The following B4GALT4 variants were observed in gnomAD, a reference collection of about 807,000 sequenced individuals.
The protein encoded by B4GALT4 is N-acetyllactosamine synthase.
In B4GALT4, 27 loss-of-function variants were observed where a neutral mutation model predicts 37.3. The ratio of observed to expected loss-of-function variants is 0.72; its 90% CI spans 0.53 to 1.00. B4GALT4 has a LOEUF of 1.00. Among genes scored for constraint, B4GALT4 ranks in the 50% least tolerant of loss-of-function variants. The pLI is 0.00. For synonymous variants in B4GALT4, 148 were observed against 154.1 expected, an observed-to-expected ratio of 0.96 and a Z score of 0.29; for missense variants, 372 against 413.1, an observed-to-expected ratio of 0.90 and a Z score of 0.86.
intron 5 of B4GALT4, among the ~76,000 whole-genome samples, chr3:119,219,358 T>A (rs1324362297): frequency 6.6e-6 from 1 of 152,252 alleles, no homozygotes; most frequent in Non-Finnish European, 1.5e-5. Flanking sequence ...GTTTCTGGCC[T>A]GCCAACCAGA....
Position 119,223,974 on chromosome 3 carries a change from A to G in B4GALT4, c.674+84T>C, listed in dbSNP as rs550138736. On this transcript the variant is annotated intron_variant, in intron 5 of 7. Coordinates refer to ENST00000393765, the MANE Select transcript of B4GALT4 (RefSeq NM_003778.4). Reference sequence around the variant, plus strand: ...TTTTTCTATTTCTCATTTTCTTATGACACTCTGGATGCTTGTTCCACCCAG... The same window carrying G: ...TTTTTCTATTTCTCATTTTCTTATGGCACTCTGGATGCTTGTTCCACCCAG... 24 of 1,360,078 alleles carry G rather than the reference A, an allele frequency of 1.8e-5. No individual in the cohort carries two copies. The South Asian group carries it at 3.6e-4, about 21-fold the overall frequency. The allele number at this position is 1,360,078 out of a possible 1,614,324, so 84.3% of individuals were successfully genotyped here.
intron 1 of B4GALT4, chr3:119,240,321 A>C (rs2079115417): frequency 6.6e-6 from 1 of 152,160 alleles, no homozygotes; most frequent in South Asian, 2.1e-4. Context: ...CAAACACTGG[A>C]TGGCTGTCTC....
chr3:119,216,645 G>GA (rs906865174), intron 6 of B4GALT4, among the ~76,000 whole-genome samples: 3 of 150,460 alleles, frequency 2.0e-5, no homozygotes, highest in Admixed American at 6.6e-5. Context: ...TTTTCAAAAA[G>GA]AAAAAAAAAT....
chr3:119,214,925 A>G (rs565236278), intron 7 of B4GALT4: 1 of 152,318 alleles, frequency 6.6e-6, no homozygotes, highest in African/African-American at 2.4e-5. Context: ...GATCAATCCT[A>G]ACATCACAAA....
At chr3:119,216,686 G>A (rs1229207645) in intron 6 of B4GALT4, among the ~76,000 whole-genome samples, 1 of 152,164 alleles carries the variant, frequency 6.6e-6, no homozygotes, top group Admixed American at 6.5e-5. Flanking sequence ...ACATCCTGAA[G>A]AATAGGAGAA....
chr3:119,211,944 G>C lies in B4GALT4; in HGVS notation c.*605C>G, dbSNP rs5868. Reference sequence around the variant, plus strand: ...GGTCCTCCCCTGAAGGCTATCAGCAGCTGCAACCAGCTCAGCTACTGCTGC... The same window carrying C: ...GGTCCTCCCCTGAAGGCTATCAGCACCTGCAACCAGCTCAGCTACTGCTGC... On this transcript the variant is annotated 3_prime_UTR_variant, in exon 8 of 8. Transcript: ENST00000393765. 0.65 allele frequency: 359,956 copies of C among 553,668 alleles called. 121,956 individuals are homozygous for C. The highest frequency in any genetic ancestry group is 0.72 in the Non-Finnish European group (223,590 of 311,740). 34.3% of individuals were successfully genotyped at this position (553,668 alleles called of 1,614,324 possible).
intron 5 of B4GALT4, among the ~76,000 whole-genome samples, chr3:119,221,031 CAACT>C (rs1002849264): frequency 1.3e-5 from 2 of 151,324 alleles, no homozygotes; most frequent in Non-Finnish European, 2.9e-5. Flanking sequence ...TGTCAGATGA[CAACT>C]ATCTCTGTGT....
At chr3:119,216,080 A>T in intron 7 of B4GALT4, 160 bp downstream of exon 7, 1 of 451,790 alleles carries the variant, frequency 2.2e-6, no homozygotes, top group Non-Finnish European at 3.8e-6. Flanking sequence ...GTGAGGGTTC[A>T]GTGCACCACT....
chr3:119,221,868 T>C (rs2078460435), intron 5 of B4GALT4, among the ~76,000 whole-genome samples: 1 of 152,190 alleles, frequency 6.6e-6, no homozygotes, highest in Non-Finnish European at 1.5e-5. Context: ...GATACCTAGT[T>C]ATAAAAGAAA....
At chr3:119,233,562 G>A (rs766179772) in intron 2 of B4GALT4, among the ~76,000 whole-genome samples, 1 of 152,112 alleles carries the variant, frequency 6.6e-6, no homozygotes, top group Non-Finnish European at 1.5e-5. Context: ...GGTAGATGCA[G>A]GGGTCCTGGA....
chr3:119,226,698 T>C, intron 4 of B4GALT4, 111 bp downstream of exon 4: 2 of 894,664 alleles, frequency 2.2e-6, no homozygotes, highest in Non-Finnish European at 1.7e-6. Context: ...GAACTCGTTT[T>C]TGATGATAGT....
chr3:119,235,230 A>G (rs1172421419), intron 2 of B4GALT4: 1 of 152,240 alleles, frequency 6.6e-6, no homozygotes, highest in African/African-American at 2.4e-5. Context: ...AAGATAAGCT[A>G]TAACAAAAGG....
At chr3:119,218,838 G>T (rs983282974) in intron 5 of B4GALT4, 66 bp from the exon 6 acceptor site, 5 of 1,585,946 alleles carry the variant, frequency 3.2e-6, no homozygotes, top group African/African-American at 1.3e-5. Context: ...TTTCAGGGCT[G>T]GCGTTCTAGG....
In B4GALT4 at chr3:119,234,981, A is replaced by T. The variant is rs536712425; in HGVS notation, c.-146+1872T>A. ...CAAGCAAAGGGAAAACCATATAAAGAGAATTAAAGCCTAGTCTTTGTACTC... is the reference window on the plus strand; with the variant it reads ...CAAGCAAAGGGAAAACCATATAAAGTGAATTAAAGCCTAGTCTTTGTACTC... On this transcript the variant is annotated intron_variant, in intron 2 of 7. Transcript: ENST00000393765. The T allele has an allele frequency of 2.0e-5, 3 of 152,372 alleles. No homozygotes were observed. In the South Asian group the frequency reaches 6.2e-4, roughly 32 times the overall value. 9.4% of individuals were successfully genotyped at this position (152,372 alleles called of 1,614,324 possible).
At chr3:119,223,931 G>T in intron 5 of B4GALT4, 127 bp downstream of exon 5, 1 of 937,672 alleles carries the variant, frequency 1.1e-6, no homozygotes. Flanking sequence ...TTTAAGTGAT[G>T]CATACATTAT....
Position 119,224,123 on chromosome 3 carries a change from A to G in B4GALT4, c.609T>C (p.Phe203=). The change falls in exon 5 of 8, where the codon TTT becomes TTC. Residue 203 remains phenylalanine, a synonymous_variant. Coordinates refer to ENST00000393765, the MANE Select transcript of B4GALT4 (RefSeq NM_003778.4). ...GATGCTCCTCACACTTGTAAAGGTTAAAGTCATTCTCGGGTACCAGGTCCA... is the reference window on the plus strand; with the variant it reads ...GATGCTCCTCACACTTGTAAAGGTTGAAGTCATTCTCGGGTACCAGGTCCA... ...HDVDLVPEND[F]NLYKCEEHPK... 1.9e-6 allele frequency: 3 copies of G among 1,614,166 alleles called. No homozygotes were observed. Among genetic ancestry groups the G allele is most frequent in the Non-Finnish European group, 2.5e-6 (3 of 1,180,024 alleles).
chr3:119,220,817 T>A (rs533573563), intron 5 of B4GALT4, among the ~76,000 whole-genome samples: 1 of 152,204 alleles, frequency 6.6e-6, no homozygotes, highest in Non-Finnish European at 1.5e-5. Context: ...AAACCCCGTC[T>A]CCACTAAAAA....
chr3:119,239,999 A>G (rs1354504076), intron 1 of B4GALT4: 1 of 14,432 alleles, frequency 6.9e-5, no homozygotes, highest in Non-Finnish European at 1.2e-4. Flanking sequence ...TAAAAATTTA[A>G]AAAAAAAAAA....
rs774668771 is a variant in B4GALT4 at position 119,212,517 on chromosome 3, A to C, written c.*32T>G. The C allele has an allele frequency of 1.5e-5, 23 of 1,554,336 alleles. No homozygotes were observed. In the Admixed American group the frequency reaches 4.1e-4, roughly 28 times the overall value. On this transcript the variant is annotated 3_prime_UTR_variant, in exon 8 of 8. Transcript: ENST00000393765. ...CCAAAATTATTGCAAACAAAGAATC[A>C]GTTCTTCCAAACATCACCAAAAGAC...
Sources: gnomAD v4.1 joint callset for allele counts (sites outside exome capture counted in the v4.1 genomes callset) on GRCh38, gnomAD v4.1.1 for gene constraint, MANE v1.5 for transcripts, NCBI Gene and HGNC (gene_info 2026-07-23, HGNC 2026-07-21) for gene names.